DMD: variants seen among roughly 807,000 people sequenced by gnomAD.
DMD encodes dystrophin, also known as mutant dystrophin.
Under a neutral mutation model 330.1 loss-of-function variants are expected in DMD, and 63 were observed. The observed-to-expected ratio is 0.19, with a 90% CI of 0.16 to 0.24. DMD has a LOEUF of 0.24. Among genes scored for constraint, DMD ranks in the 10% least tolerant of loss-of-function variants. The pLI is 1.00. For synonymous variants in DMD, 1,223 were observed against 959.8 expected, an observed-to-expected ratio of 1.27 and a Z score of -5.07; for missense variants, 3,344 against 2,684.1, an observed-to-expected ratio of 1.25 and a Z score of -5.43.
At chrX:32,993,755 T>G in intron 2 of DMD, among the ~76,000 whole-genome samples, 1 of 111,276 alleles carries the variant, frequency 9.0e-6, no homozygotes, top group South Asian at 3.8e-4. Context: ...GAGTGCTCAC[T>G]TTTTCTCTTA....
chrX:31,213,094 G>T (rs2044928433), intron 64 of DMD, among the ~76,000 whole-genome samples: 1 of 112,486 alleles, frequency 8.9e-6, no homozygotes, highest in South Asian at 3.7e-4. Flanking sequence ...CACTCTACAG[G>T]CAACTTACAC....
rs371727745 is a variant in DMD at position 33,255,545 on chromosome X, C to G, written c.7+83714G>C. On this transcript the variant is annotated intron_variant, in intron 1 of 17. Coordinates refer to the DMD transcript ENST00000288447. ...CAAATACCACTTGATTATTTTAAAA[C>G]CATAGATGAAAAGAACACTGAGAGG... Among the ~76,000 whole-genome samples, 168 of 110,008 alleles carry G rather than the reference C, an allele frequency of 1.5e-3. 1 individual carries two copies. Among genetic ancestry groups the G allele is most frequent in the African/African-American group, 5.3e-3 (163 of 30,523 alleles).
At chrX:31,543,268 T>G (rs2147657155) in intron 55 of DMD, among the ~76,000 whole-genome samples, 1 of 111,830 alleles carries the variant, frequency 8.9e-6, no homozygotes, top group Admixed American at 9.4e-5. Flanking sequence ...CCTCCCGGCT[T>G]CAAGTGATTC....
chrX:32,858,777 G>A (rs1409589557), intron 2 of DMD, among the ~76,000 whole-genome samples: 1 of 110,990 alleles, frequency 9.0e-6, no homozygotes, highest in Non-Finnish European at 1.9e-5. Context: ...TCTCCCTGTA[G>A]TATGAATACC....
At chrX:32,308,913 T>C (rs578244123) in intron 42 of DMD, among the ~76,000 whole-genome samples, 1 of 111,347 alleles carries the variant, frequency 9.0e-6, no homozygotes. Flanking sequence ...CATGAGAACT[T>C]AGTTAATAGA....
At chrX:31,371,346 T>C (rs1235491238) in intron 60 of DMD, among the ~76,000 whole-genome samples, 4 of 111,648 alleles carry the variant, frequency 3.6e-5, no homozygotes, top group Admixed American at 9.5e-5. Flanking sequence ...TTTTCAAGAA[T>C]CTAGAAGCTT....
chrX:32,595,670 T>A (rs1255084598), intron 13 of DMD, 87 bp downstream of exon 13: 11 of 917,143 alleles, frequency 1.2e-5, no homozygotes, highest in Non-Finnish European at 1.5e-5. Flanking sequence ...TTTTAATATA[T>A]AAATTGCATT....
chrX:32,714,541 C>T (rs1268752471), intron 7 of DMD, among the ~76,000 whole-genome samples: 1 of 111,590 alleles, frequency 9.0e-6, no homozygotes, highest in East Asian at 2.8e-4. Context: ...TATATACACA[C>T]CACATTATCT....
chrX:32,692,712 G>T (rs1021744643), intron 9 of DMD, among the ~76,000 whole-genome samples: 1 of 111,797 alleles, frequency 8.9e-6, no homozygotes, highest in Non-Finnish European at 1.9e-5. Context: ...TTAACTTGCC[G>T]AACTCTATAC....
chrX:33,046,074 G>GC (rs2094377851), intron 1 of DMD, among the ~76,000 whole-genome samples: 2 of 111,579 alleles, frequency 1.8e-5, no homozygotes, highest in Non-Finnish European at 3.8e-5. Context: ...ATCTCTGTGT[G>GC]TCCTTGACCT....
At chrX:32,552,076 C>T (rs985528988) in intron 16 of DMD, among the ~76,000 whole-genome samples, 9 of 111,482 alleles carry the variant, frequency 8.1e-5, no homozygotes, top group African/African-American at 2.9e-4. Context: ...CAATGCTATT[C>T]CCAAAAAACT....
intron 11 of DMD, among the ~76,000 whole-genome samples, chrX:32,616,389 CCATTT>C (rs2057566700): frequency 9.0e-6 from 1 of 110,951 alleles, no homozygotes; most frequent in African/African-American, 3.3e-5. Context: ...CTCTATTCCT[CCATTT>C]ATTTATGAAA....
chrX:31,120,407 G>T lies in DMD; in HGVS notation c.*1512C>A, dbSNP rs1381518766. On this transcript the variant is annotated 3_prime_UTR_variant, in exon 79 of 79. Coordinates refer to ENST00000357033, the MANE Select transcript of DMD (RefSeq NM_004006.3). ...TACTCGCAGAGAAATGCAAAGGATG[G>T]AAACACAGTTCATGGGCTTCTGGGT... 1 of 111,817 alleles carries T rather than the reference G, an allele frequency of 8.9e-6. No homozygotes were observed. The highest frequency in any genetic ancestry group is 3.3e-5 in the African/African-American group (1 of 30,752). 9.2% of individuals were successfully genotyped at this position (111,817 alleles called of 1,213,427 possible). A position where few individuals can be genotyped will look rare whatever the true frequency, so the allele number is the denominator to read the frequency against.
intron 51 of DMD, among the ~76,000 whole-genome samples, chrX:31,761,590 T>C (rs2089594921): frequency 1.8e-5 from 2 of 112,058 alleles, no homozygotes; most frequent in African/African-American, 3.2e-5. Flanking sequence ...GTCTTAATAA[T>C]TCAGAATATA....
chrX:31,474,747 TAAAATAAAAA>T (rs199778713), intron 59 of DMD, among the ~76,000 whole-genome samples: 2,054 of 103,242 alleles, frequency 0.02, 66 homozygotes, highest in African/African-American at 0.068. Context: ...TAAAATAAAA[TAAAATAAAAA>T]AAGAGAAACC....
intron 50 of DMD, among the ~76,000 whole-genome samples, chrX:31,778,544 C>A (rs2090810827): frequency 9.9e-6 from 1 of 101,195 alleles, no homozygotes; most frequent in East Asian, 3.2e-4. Flanking sequence ...TTTCAAAGGA[C>A]AGAAGTTTTG....
chrX:31,798,938 G>A (rs2091945552), intron 50 of DMD, among the ~76,000 whole-genome samples: 1 of 111,279 alleles, frequency 9.0e-6, no homozygotes, highest in Non-Finnish European at 1.9e-5. Context: ...TCTGGAACAA[G>A]ATGACAGTTT....
chrX:32,929,933 G>A lies in DMD; in HGVS notation c.94-80113C>T, dbSNP rs7879594. On this transcript the variant is annotated intron_variant, in intron 2 of 78. Transcript: ENST00000357033. Reference sequence around the variant, plus strand: ...CTGCACAGTATTCCATGGTGTATATGTGCCACATTTTCTTTATCCAGTCTA... The same window carrying A: ...CTGCACAGTATTCCATGGTGTATATATGCCACATTTTCTTTATCCAGTCTA... Among the ~76,000 whole-genome samples, 467 of 111,700 alleles carry A rather than the reference G, an allele frequency of 4.2e-3. 6 individuals carry two copies. Among genetic ancestry groups the A allele is most frequent in the African/African-American group, 0.014 (432 of 30,754 alleles).
At chrX:32,371,538 T>A (rs1389183113) in intron 34 of DMD, among the ~76,000 whole-genome samples, 3 of 111,447 alleles carry the variant, frequency 2.7e-5, no homozygotes, top group Non-Finnish European at 5.7e-5. Context: ...GAATCTTTGA[T>A]GCTTAAAACA....
Sources: allele counts gnomAD v4.1 joint callset (sites outside exome capture counted in the v4.1 genomes callset), GRCh38; gene constraint gnomAD v4.1.1; transcripts MANE v1.5; gene names NCBI Gene and HGNC (gene_info 2026-07-23, HGNC 2026-07-21).